The following FGFR2 variants were observed in gnomAD, a reference collection of about 807,000 sequenced individuals.
FGFR2 encodes the protein fibroblast growth factor receptor 2.
In FGFR2, 19 loss-of-function variants were observed where a neutral mutation model predicts 95.9. The observed-to-expected ratio is 0.20, with a 90% CI of 0.14 to 0.29. FGFR2 has a LOEUF of 0.29. FGFR2 is among the 10% of genes least tolerant of loss of function. The pLI, the probability that FGFR2 is intolerant of heterozygous loss-of-function variation, is 1.00. For missense variants in FGFR2, 707 were observed against 1,056.9 expected, an observed-to-expected ratio of 0.67 and a Z score of 4.59; for synonymous variants, 392 against 393.3, an observed-to-expected ratio of 1.00 and a Z score of 0.04.
At chr10:121,577,049 C>T (rs1177823034) in intron 2 of FGFR2, among the ~76,000 whole-genome samples, 2 of 140,528 alleles carry the variant, frequency 1.4e-5, no homozygotes, top group African/African-American at 5.4e-5. Flanking sequence ...GCAGGAGAAT[C>T]GCTTGAACCT....
intron 5 of FGFR2, among the ~76,000 whole-genome samples, chr10:121,542,072 G>T (rs1210714153): frequency 1.3e-5 from 2 of 152,100 alleles, no homozygotes; most frequent in African/African-American, 4.8e-5. Flanking sequence ...AAACAGCGTA[G>T]TCTATAGTCA....
intron 9 of FGFR2, among the ~76,000 whole-genome samples, chr10:121,508,948 G>A (rs560333788): frequency 6.6e-6 from 1 of 152,336 alleles, no homozygotes; most frequent in South Asian, 2.1e-4. Context: ...CTGTGTTGGG[G>A]GCTTGGCCCG....
chr10:121,597,889 G>A (rs950791633), intron 1 of FGFR2, 73 bp downstream of exon 1: 24 of 387,278 alleles, frequency 6.2e-5, no homozygotes, highest in Non-Finnish European at 1.0e-4. Flanking sequence ...CGGTGCACCC[G>A]GCGTCCCGGG....
At chr10:121,572,480 G>A (rs1042525893) in intron 2 of FGFR2, among the ~76,000 whole-genome samples, 27 of 152,232 alleles carry the variant, frequency 1.8e-4, no homozygotes, top group East Asian at 5.8e-4. Context: ...TTAGCTGGGC[G>A]TGGTGGCATG....
chr10:121,506,306 TGA>T (rs1848262812), intron 9 of FGFR2, among the ~76,000 whole-genome samples: 2 of 132,652 alleles, frequency 1.5e-5, no homozygotes, highest in South Asian at 4.5e-4. Flanking sequence ...TGCAGTGAGC[TGA>T]GATTGCACCA....
chr10:121,585,725 C>T (rs1436164546), intron 2 of FGFR2, among the ~76,000 whole-genome samples: 2 of 152,206 alleles, frequency 1.3e-5, no homozygotes, highest in Non-Finnish European at 2.9e-5. Context: ...ATGGCTGATA[C>T]AGAATTTAGA....
chr10:121,478,641 G>A lies in FGFR2; in HGVS notation c.*1216C>T. On this transcript the variant is annotated 3_prime_UTR_variant, in exon 18 of 18. Coordinates refer to ENST00000358487, the MANE Select transcript of FGFR2 (RefSeq NM_000141.5). ...ATGAAAGCAATCCCTTAAAAAGATG[G>A]ACGTATCCCCAAAACTATCAGCAGA... The A allele has an allele frequency of 4.3e-6, 1 of 233,268 alleles. No homozygotes were observed. 14.4% of individuals were successfully genotyped at this position (233,268 alleles called of 1,614,324 possible). A position where few individuals can be genotyped will look rare whatever the true frequency, so the allele number is the denominator to read the frequency against.
chr10:121,538,446 C>G (rs756369694), intron 6 of FGFR2, 146 bp downstream of exon 6: 1 of 1,203,950 alleles, frequency 8.3e-7, no homozygotes, highest in South Asian at 1.2e-5. Context: ...ACAGAAGCAG[C>G]CTTGTAAAAT....
In FGFR2 at chr10:121,544,972, G is replaced by A. The variant is rs142342093; in HGVS notation, c.625-6257C>T. On this transcript the variant is annotated intron_variant, in intron 5 of 17. Transcript: ENST00000358487. ...AGTCTGGGCAACCAAGTGAGACCCC[G>A]TCTCTACAAAAAATTTAAAAATTAG... 4.1e-3 allele frequency among the ~76,000 whole-genome samples: 626 copies of A among 152,206 alleles called. 4 individuals carry two copies. The highest frequency in any genetic ancestry group is 0.015 in the African/African-American group (605 of 41,546).
At chr10:121,580,235 G>C (rs914743345) in intron 2 of FGFR2, among the ~76,000 whole-genome samples, 1 of 152,180 alleles carries the variant, frequency 6.6e-6, no homozygotes, top group Non-Finnish European at 1.5e-5. Context: ...AGGACCTTCT[G>C]GGGGTACTGT....
Position 121,485,047 on chromosome 10 carries a change from C to T in FGFR2, c.2195+348G>A, listed in dbSNP as rs1845233508. The stretch of plus-strand genomic sequence containing the variant: ...CGGCTTTCTAGCTTGTTTCCTGACC[C>T]GTGGGTCTTCCTGTCACTCCACGGG... On this transcript the variant is annotated intron_variant, in intron 16 of 17. Coordinates refer to ENST00000358487, the MANE Select transcript of FGFR2 (RefSeq NM_000141.5). This position sits in a 1 kb window ranked among gnomAD's most constrained non-coding sequence, Gnocchi z 4.2. Among the ~76,000 whole-genome samples, 3 of 152,230 alleles carry T rather than the reference C, an allele frequency of 2.0e-5. No homozygotes were observed. The highest frequency in any genetic ancestry group is 7.2e-5 in the African/African-American group (3 of 41,556).
intron 2 of FGFR2, among the ~76,000 whole-genome samples, chr10:121,590,703 G>A (rs1862503960): frequency 1.3e-5 from 2 of 152,238 alleles, no homozygotes; most frequent in Non-Finnish European, 1.5e-5. Context: ...ACAAAGCCAA[G>A]ATGACTAAAC....
In FGFR2 at chr10:121,551,308, A is replaced by G. The variant is rs2134829353; in HGVS notation, c.606T>C (p.His202=). 6.2e-7 allele frequency: 1 copy of G among 1,614,212 alleles called. No homozygotes were observed. The highest frequency in any genetic ancestry group is 8.5e-7 in the Non-Finnish European group (1 of 1,180,034). ...ATTCTACCTTGTAGCCTCCAATGCG[A>G]TGCTCCTGCTTAAACTCCTTCCCGT... ...LKNGKEFKQE[H]RIGGYKVRNQ... The change falls in exon 5 of 18, where the codon CAT becomes CAC. Residue 202 remains histidine, a synonymous_variant. Transcript: ENST00000358487.
At chr10:121,501,380 G>C (rs2134019976) in intron 10 of FGFR2, among the ~76,000 whole-genome samples, 1 of 152,200 alleles carries the variant, frequency 6.6e-6, no homozygotes, top group Non-Finnish European at 1.5e-5. Flanking sequence ...TGGATTTTAT[G>C]GTCACATTCC....
chr10:121,490,833 C>T (rs375216677), intron 13 of FGFR2, among the ~76,000 whole-genome samples: 21 of 152,282 alleles, frequency 1.4e-4, no homozygotes, highest in African/African-American at 3.4e-4. Flanking sequence ...CTTGTGTTCA[C>T]ACACTTCTGG....
intron 4 of FGFR2, among the ~76,000 whole-genome samples, chr10:121,554,401 C>T (rs1270162563): frequency 2.0e-5 from 3 of 150,632 alleles, no homozygotes; most frequent in South Asian, 2.1e-4. Context: ...TGCAGTGGCG[C>T]GATCTTGGCT....
chr10:121,551,552 G>T, intron 4 of FGFR2, 93 bp from the exon 5 acceptor site: 1 of 1,122,426 alleles, frequency 8.9e-7, no homozygotes, highest in Non-Finnish European at 1.3e-6. Flanking sequence ...CGCTTTGCAT[G>T]TAAATGCTAG....
rs1305156211 is a variant in FGFR2, at chr10:121,503,782, G to C, written c.1439+8C>G. ...CCATCCTGGGACATGGCCAAGAGAA[G>C]TACTCACTTATCTCTTGGAAACTCC... is the stretch of plus-strand genomic sequence containing the variant. On this transcript the variant is annotated splice_region_variant and intron_variant, in intron 10 of 17. Transcript: ENST00000358487. The C allele has an allele frequency of 6.2e-7, 1 of 1,613,892 alleles. No homozygotes were observed. The highest frequency in any genetic ancestry group is 8.5e-7 in the Non-Finnish European group (1 of 1,179,832).
intron 2 of FGFR2, among the ~76,000 whole-genome samples, chr10:121,588,470 GGGA>G (rs1470485509): frequency 1.3e-5 from 2 of 152,148 alleles, no homozygotes; most frequent in Non-Finnish European, 1.5e-5. Context: ...AGGCAAGTCA[GGGA>G]GGAAGATGGT....
Sources: gnomAD v4.1 joint callset for allele counts (sites outside exome capture counted in the v4.1 genomes callset) on GRCh38, gnomAD v4.1.1 for gene constraint, Gnocchi (gnomAD v3.1) non-coding constraint, MANE v1.5 for transcripts, NCBI Gene and HGNC (gene_info 2026-07-23, HGNC 2026-07-21) for gene names.